Variants in FAM135B observed in about 807,000 individuals in gnomAD.
FAM135B encodes the protein family with sequence similarity 135 member B, also known as protein FAM135B.
Under a neutral mutation model 127.7 loss-of-function variants are expected in FAM135B, and 43 were observed. The observed-to-expected ratio is 0.34, with a 90% CI of 0.26 to 0.43. FAM135B has a LOEUF of 0.43. FAM135B is among the 20% of genes least tolerant of loss of function. The probability of loss-of-function intolerance (pLI) is 1.00; values close to 1 mark genes in which losing one functional copy is unlikely to be tolerated. For missense variants in FAM135B, 1,558 were observed against 1,725.6 expected (o/e 0.90, Z 1.72); for synonymous variants, 670 against 665.1 (o/e 1.01, Z -0.11).
intron 12 of FAM135B, among the ~76,000 whole-genome samples, chr8:138,162,026 GT>G (rs1301498907): frequency 6.6e-6 from 1 of 152,078 alleles, no homozygotes; most frequent in Non-Finnish European, 1.5e-5. Context: ...GTTTGCATTG[GT>G]TTGAAAAAAT....
intron 1 of FAM135B, among the ~76,000 whole-genome samples, chr8:138,414,912 C>T (rs987890375): frequency 6.6e-6 from 1 of 152,110 alleles, no homozygotes; most frequent in African/African-American, 2.4e-5. Context: ...TTTGGGCACA[C>T]AGCAGGTCCC....
In FAM135B at chr8:138,367,993, G is replaced by A; in HGVS notation, c.-10C>T. On this transcript the variant is annotated 5_prime_UTR_variant, in exon 2 of 20. An upstream open reading frame in the 5' UTR gains an earlier in-frame stop. Coordinates refer to ENST00000395297, the MANE Select transcript of FAM135B (RefSeq NM_015912.4). Reference sequence around the variant, plus strand: ...CTTGTATTTCAGACATGATCTTTTTGGCTCATTACCTGAAAAACAAGAGAG... The same window carrying A: ...CTTGTATTTCAGACATGATCTTTTTAGCTCATTACCTGAAAAACAAGAGAG... 6.2e-7 allele frequency: 1 copy of A among 1,611,846 alleles called. No homozygotes were observed. Among genetic ancestry groups the A allele is most frequent in the Non-Finnish European group, 8.5e-7 (1 of 1,178,380 alleles).
chr8:138,206,772 GCATCCCCTCCACCTACACACAACTCTAT>G (rs1227627271), intron 7 of FAM135B, among the ~76,000 whole-genome samples: 19 of 11,564 alleles, frequency 1.6e-3, no homozygotes, highest in Non-Finnish European at 3.2e-3. Flanking sequence ...CACAATTCCA[GCATCCCCTCCACCTACACACAACTCTAT>G]CATCCCCTCC....
Position 138,178,613 on chromosome 8 carries a change from C to T in FAM135B, c.951G>A (p.Leu317=), listed in dbSNP as rs373558583. The T allele has an allele frequency of 2.0e-5, 32 of 1,613,956 alleles. No homozygotes were observed. Among genetic ancestry groups the T allele is most frequent in the Non-Finnish European group, 2.5e-5 (29 of 1,180,026 alleles). ...LAWLTSHMMT[L]WTQFLDTVTL... ...TGACTGTGTCCAGGAACTGGGTCCA[C>T]AGAGTCATCATGTGGGACGTGAGCC... Residue 317 remains leucine (L), a synonymous_variant, in exon 10 of 20, where the codon CTG becomes CTA. Transcript: ENST00000395297.
chr8:138,482,203 T>G (rs1361808092), intron 1 of FAM135B, among the ~76,000 whole-genome samples: 1 of 152,144 alleles, frequency 6.6e-6, no homozygotes, highest in Non-Finnish European at 1.5e-5. Context: ...CTTGCTGGTT[T>G]CCAAAGATGT....
chr8:138,229,063 G>A (rs1567693), intron 7 of FAM135B, among the ~76,000 whole-genome samples: 55,771 of 151,726 alleles, frequency 0.37, 10,655 homozygotes, highest in Non-Finnish European at 0.41. Context: ...GTGTGTGTGC[G>A]TGTGTACACC....
intron 13 of FAM135B, among the ~76,000 whole-genome samples, chr8:138,150,741 G>T (rs1818070477): frequency 6.6e-6 from 1 of 152,030 alleles, no homozygotes; most frequent in Admixed American, 6.6e-5. Flanking sequence ...AAAGAATTTG[G>T]TTAATAAGTC....
intron 1 of FAM135B, among the ~76,000 whole-genome samples, chr8:138,373,505 T>G (rs1008764052): frequency 1.3e-5 from 2 of 151,424 alleles, no homozygotes; most frequent in Non-Finnish European, 2.9e-5. Flanking sequence ...TTGTAGAGCA[T>G]ATGTGTTTGA....
chr8:138,163,892 G>A (rs76954233), intron 12 of FAM135B, among the ~76,000 whole-genome samples: 5,358 of 152,142 alleles, frequency 0.035, 333 homozygotes, highest in African/African-American at 0.12. Context: ...CAGGAGGCAC[G>A]GTCACAGCTC....
intron 1 of FAM135B, among the ~76,000 whole-genome samples, chr8:138,420,755 C>A (rs1412807115): frequency 1.3e-5 from 2 of 152,108 alleles, no homozygotes; most frequent in African/African-American, 4.8e-5. Context: ...ATGATCATCT[C>A]AATAGGCACA....
In FAM135B at chr8:138,153,003, T is replaced by A. The variant is rs1463062717; in HGVS notation, c.1472A>T (p.His491Leu). The A allele has an allele frequency of 1.2e-6, 2 of 1,614,236 alleles. No homozygotes were observed. Among genetic ancestry groups the A allele is most frequent in the Non-Finnish European group, 1.7e-6 (2 of 1,180,038 alleles). The change falls in exon 13 of 20, where the codon CAT (histidine) becomes CTT (leucine). Residue 491 changes from histidine to leucine, a missense_variant. By Grantham distance (99) the His-to-Leu change is moderately conservative. This residue lies in a region of FAM135B where 923 missense variants were observed against 865.3 expected (regional missense o/e 1.07). Coordinates refer to ENST00000395297, the MANE Select transcript of FAM135B (RefSeq NM_015912.4). ...CTGAGATTCAGAGCACATGTCCATA[T>A]GATTTTGTGTGGCCACATTCTCACC... ...EPGENVATQNHMDMCSESQVY... is the reference protein window; with the variant it reads ...EPGENVATQNLMDMCSESQVY...
In FAM135B at chr8:138,337,456, C is replaced by T. The variant is rs1393078467; in HGVS notation, c.78-26536G>A. Among the ~76,000 whole-genome samples, 10 of 151,820 alleles carry T rather than the reference C, an allele frequency of 6.6e-5. No individual in the cohort carries two copies. The East Asian group carries it at 1.7e-3, about 26-fold the overall frequency. On this transcript the variant is annotated intron_variant, in intron 2 of 19. Transcript: ENST00000395297. ...TACAAAAATCACAAGCATTCTTATA[C>T]ACCAATAGCAGACAAACAGAGGGCC...
chr8:138,262,085 A>G (rs1240843908), intron 4 of FAM135B, among the ~76,000 whole-genome samples: 1 of 152,202 alleles, frequency 6.6e-6, no homozygotes, highest in African/African-American at 2.4e-5. Context: ...GCTTACAGAG[A>G]AAAGAAATTT....
rs371471185 is a variant in FAM135B, at chr8:138,344,564, A to ACTTT, written c.77+23339_77+23342dup. Among the ~76,000 whole-genome samples, 45 of 114,294 alleles carry ACTTT rather than the reference A, an allele frequency of 3.9e-4. 1 individual carries two copies. Among genetic ancestry groups the ACTTT allele is most frequent in the Admixed American group, 2.3e-3 (24 of 10,630 alleles). 75.0% of individuals were successfully genotyped at this position (114,294 alleles called of 152,430 possible). A position where few individuals can be genotyped will look rare whatever the true frequency, so the allele number is the denominator to read the frequency against. On this transcript the variant is annotated intron_variant, in intron 2 of 19. Transcript: ENST00000395297. ...GTCTAAATTAGGAGTCTCTTGCTACACTTTCTTTCTTTCTTTTTTTTTTTT... is the reference window on the plus strand; with the variant it reads ...GTCTAAATTAGGAGTCTCTTGCTACACTTTCTTTCTTTCTTTCTTTTTTTTTTTT...
intron 7 of FAM135B, among the ~76,000 whole-genome samples, chr8:138,231,469 C>G (rs562063351): frequency 1.3e-5 from 2 of 152,332 alleles, no homozygotes; most frequent in East Asian, 3.9e-4. Flanking sequence ...ATGGCTTAGA[C>G]TCAGCTTCAC....
At chr8:138,266,626 T>C (rs1477562595) in intron 3 of FAM135B, among the ~76,000 whole-genome samples, 5 of 148,606 alleles carry the variant, frequency 3.4e-5, no homozygotes, top group African/African-American at 1.2e-4. Context: ...TGTATATATG[T>C]GTATATATAT....
chr8:138,329,071 C>G lies in FAM135B; in HGVS notation c.78-18151G>C, dbSNP rs562971339. ...TACAATGACAGGTAAAGTAGGCCAC[C>G]GAAAACTCCATAAACAAACAGCCAC... On this transcript the variant is annotated intron_variant, in intron 2 of 19. Coordinates refer to ENST00000395297, the MANE Select transcript of FAM135B (RefSeq NM_015912.4). 1.4e-4 allele frequency among the ~76,000 whole-genome samples: 21 copies of G among 151,972 alleles called. No homozygotes were observed. The South Asian group carries it at 4.4e-3, about 32-fold the overall frequency.
At chr8:138,192,348 G>A (rs1167065260) in intron 9 of FAM135B, among the ~76,000 whole-genome samples, 2 of 152,172 alleles carry the variant, frequency 1.3e-5, no homozygotes, top group African/African-American at 4.8e-5. Flanking sequence ...AACAAAGATA[G>A]CAGCGCTTTC....
In FAM135B at chr8:138,151,683, T is replaced by C; in HGVS notation, c.2792A>G (p.Gln931Arg). ...ACAGCTCAATTCAGGCACCTGATGT[T>C]GAGAGAGACCCTCAACCTCTGAGAT... ...SGISEVEGLS[Q>R]HQVPELSCTS... The change falls in exon 13 of 20, where the codon CAA (glutamine) becomes CGA (arginine). Residue 931 changes from glutamine (Q) to arginine (R), a missense_variant. Coordinates refer to ENST00000395297, the MANE Select transcript of FAM135B (RefSeq NM_015912.4). 2 of 1,614,186 alleles carry C rather than the reference T, an allele frequency of 1.2e-6. No individual in the cohort carries two copies. The highest frequency in any genetic ancestry group is 1.7e-6 in the Non-Finnish European group (2 of 1,180,032).
Sources: allele counts gnomAD v4.1 joint callset (sites outside exome capture counted in the v4.1 genomes callset), GRCh38; gene constraint gnomAD v4.1.1; regional missense constraint gnomAD v4.1.1; transcripts MANE v1.5; gene names NCBI Gene and HGNC (gene_info 2026-07-23, HGNC 2026-07-21).